Variants in CSMD1 observed in about 807,000 individuals in gnomAD.
The protein encoded by CSMD1 is CUB and sushi domain-containing protein 1.
Under a neutral mutation model 417.5 loss-of-function variants are expected in CSMD1, and 213 were observed. That is an observed-to-expected ratio of 0.51 (90% CI 0.46 to 0.57). The LOEUF (loss-of-function observed/expected upper bound fraction) is 0.57, where lower values mean the gene tolerates loss of function less well. Among genes scored for constraint, CSMD1 ranks in the 20% least tolerant of loss-of-function variants. The probability of loss-of-function intolerance (pLI) is 0.00; values close to 1 mark genes in which losing one functional copy is unlikely to be tolerated. For synonymous variants in CSMD1, 2,862 were observed against 1,736.8 expected, an observed-to-expected ratio of 1.65 and a Z score of -16.11; for missense variants, 6,923 against 4,529.7, an observed-to-expected ratio of 1.53 and a Z score of -15.17.
At chr8:4,099,578 A>C (rs889548184) in intron 3 of CSMD1, among the ~76,000 whole-genome samples, 1 of 152,192 alleles carries the variant, frequency 6.6e-6, no homozygotes, top group South Asian at 2.1e-4. Flanking sequence ...GCATATATCA[A>C]TCAATCAAAC....
At chr8:3,281,743 T>C (rs1319007498) in intron 26 of CSMD1, among the ~76,000 whole-genome samples, 1 of 152,192 alleles carries the variant, frequency 6.6e-6, no homozygotes, top group Non-Finnish European at 1.5e-5. Context: ...GGTGATGTTA[T>C]TACTACAGAT....
At chr8:3,643,301 G>A (rs1378291935) in intron 7 of CSMD1, among the ~76,000 whole-genome samples, 1 of 151,792 alleles carries the variant, frequency 6.6e-6, no homozygotes, top group South Asian at 2.1e-4. Flanking sequence ...AAGGAGGGAC[G>A]GGCAAAGAAA....
rs533128126 is a variant in CSMD1 at position 4,113,300 on chromosome 8, G to A, written c.416-81201C>T. On this transcript the variant is annotated intron_variant, in intron 3 of 69. Transcript: ENST00000635120. Reference sequence around the variant, plus strand: ...AAAAGCTAGAAATGATTAACTAAGTGAGAAAGACATGTCAAAAAAACTAGG... The same window carrying A: ...AAAAGCTAGAAATGATTAACTAAGTAAGAAAGACATGTCAAAAAAACTAGG... Among the ~76,000 whole-genome samples the A allele has an allele frequency of 2.0e-5, 3 of 150,414 alleles. No homozygotes were observed. The East Asian group carries it at 5.9e-4, about 29-fold the overall frequency.
At chr8:4,604,418 C>A (rs998113591) in intron 2 of CSMD1, among the ~76,000 whole-genome samples, 1 of 127,818 alleles carries the variant, frequency 7.8e-6, no homozygotes, top group Non-Finnish European at 1.6e-5. Context: ...TGTGCGCGTG[C>A]GTAAAGACTA....
chr8:4,857,477 A>C (rs1038015803), intron 1 of CSMD1, among the ~76,000 whole-genome samples: 42 of 152,332 alleles, frequency 2.8e-4, no homozygotes, highest in Non-Finnish European at 5.1e-4. Flanking sequence ...TGAATCCAGG[A>C]GCTCGTTTTT....
At chr8:3,879,427 C>G (rs1806056278) in intron 5 of CSMD1, among the ~76,000 whole-genome samples, 1 of 152,126 alleles carries the variant, frequency 6.6e-6, no homozygotes, top group South Asian at 2.1e-4. Context: ...GGAAATGAAT[C>G]AGTCCGGTCA....
At chr8:3,316,135 T>G (rs914361645) in intron 23 of CSMD1, among the ~76,000 whole-genome samples, 2 of 152,186 alleles carry the variant, frequency 1.3e-5, no homozygotes, top group African/African-American at 4.8e-5. Context: ...TGAAATAATT[T>G]CACTCTAAAT....
At chr8:3,524,632 C>T (rs932376270) in intron 10 of CSMD1, among the ~76,000 whole-genome samples, 2 of 151,234 alleles carry the variant, frequency 1.3e-5, no homozygotes, top group East Asian at 3.9e-4. Context: ...CATGCACACC[C>T]AGAGAGACAT....
At chr8:4,113,381 A>G (rs1233192721) in intron 3 of CSMD1, among the ~76,000 whole-genome samples, 1 of 148,632 alleles carries the variant, frequency 6.7e-6, no homozygotes, top group African/African-American at 2.5e-5. Context: ...TTCAAGGAAA[A>G]TAAAAGGGCT....
intron 3 of CSMD1, among the ~76,000 whole-genome samples, chr8:4,257,571 A>G (rs1803549910): frequency 6.6e-6 from 1 of 152,180 alleles, no homozygotes; most frequent in African/African-American, 2.4e-5. Context: ...AGAAATAGAG[A>G]TTTATAAAAT....
chr8:4,904,153 C>A (rs889477960), intron 1 of CSMD1, among the ~76,000 whole-genome samples: 1 of 152,074 alleles, frequency 6.6e-6, no homozygotes, highest in African/African-American at 2.4e-5. Flanking sequence ...GAAGTCAGGG[C>A]AGGTGTTCTA....
At chr8:3,774,694 G>A (rs1313459517) in intron 5 of CSMD1, among the ~76,000 whole-genome samples, 2 of 152,092 alleles carry the variant, frequency 1.3e-5, no homozygotes, top group Admixed American at 6.6e-5. Flanking sequence ...AATGCTAAGT[G>A]CAAAGGAATA....
chr8:4,436,312 G>A (rs1030732229), intron 2 of CSMD1, among the ~76,000 whole-genome samples: 2 of 151,758 alleles, frequency 1.3e-5, no homozygotes, highest in Admixed American at 6.6e-5. Flanking sequence ...ATCTGTTTTT[G>A]TCACTATAAA....
chr8:3,528,593 C>G (rs1286784223), intron 10 of CSMD1, among the ~76,000 whole-genome samples: 1 of 152,160 alleles, frequency 6.6e-6, no homozygotes, highest in Non-Finnish European at 1.5e-5. Flanking sequence ...ATACAACACA[C>G]AATTTGAATT....
intron 5 of CSMD1, among the ~76,000 whole-genome samples, chr8:3,972,730 C>T (rs1326975774): frequency 6.6e-6 from 1 of 152,168 alleles, no homozygotes. Context: ...TGGGAGTAAA[C>T]ACACAGCACC....
At chr8:4,814,900 C>G (rs1443655222) in intron 1 of CSMD1, among the ~76,000 whole-genome samples, 1 of 152,100 alleles carries the variant, frequency 6.6e-6, no homozygotes, top group Non-Finnish European at 1.5e-5. Context: ...ACTATATAAT[C>G]ACAAAACTAC....
chr8:4,405,788 G>A (rs898840142), intron 3 of CSMD1, among the ~76,000 whole-genome samples: 1 of 152,192 alleles, frequency 6.6e-6, no homozygotes, highest in African/African-American at 2.4e-5. Context: ...AGTTTGTTGA[G>A]TGATTTTAGA....
intron 6 of CSMD1, among the ~76,000 whole-genome samples, chr8:3,751,299 A>AGTGC (rs111699661): frequency 3.6e-5 from 5 of 140,288 alleles, no homozygotes; most frequent in African/African-American, 1.1e-4. Flanking sequence ...ATACAATTGA[A>AGTGC]GTGTGTGTGT....
intron 3 of CSMD1, among the ~76,000 whole-genome samples, chr8:4,077,951 C>T (rs1478505027): frequency 6.6e-6 from 1 of 152,108 alleles, no homozygotes; most frequent in Non-Finnish European, 1.5e-5. Context: ...TACCCATACT[C>T]GCCCTGCATG....
Sources: allele counts gnomAD v4.1 joint callset (sites outside exome capture counted in the v4.1 genomes callset), GRCh38; gene constraint gnomAD v4.1.1; transcripts MANE v1.5; gene names NCBI Gene and HGNC (gene_info 2026-07-23, HGNC 2026-07-21).